Variants in CD36 observed in about 807,000 individuals in gnomAD.
The protein encoded by CD36 is platelet glycoprotein 4.
A neutral mutation model predicts 55.2 loss-of-function variants in CD36; 119 were observed. The observed-to-expected ratio is 2.15, with a 90% confidence interval of 1.86 to 2.51. The LOEUF (loss-of-function observed/expected upper bound fraction) is 2.51, where lower values mean the gene tolerates loss of function less well. Ranked by LOEUF, CD36 falls within the 30% of genes most tolerant of loss-of-function variation. The pLI, the probability that CD36 is intolerant of heterozygous loss-of-function variation, is 0.00. For synonymous variants in CD36, 186 were observed against 193.6 expected (o/e 0.96, Z 0.33); for missense variants, 819 against 555.5 (o/e 1.47, Z -4.77).
At chr7:80,667,239 G>A (rs1048340025) in intron 8 of CD36, among the ~76,000 whole-genome samples, 25 of 151,916 alleles carry the variant, frequency 1.6e-4, no homozygotes, top group Non-Finnish European at 4.4e-5. Flanking sequence ...ACCAGCCTGG[G>A]CAACATAGCA....
chr7:80,660,216 A>T (rs1178404158), intron 4 of CD36, among the ~76,000 whole-genome samples: 1 of 151,988 alleles, frequency 6.6e-6, no homozygotes, highest in Non-Finnish European at 1.5e-5. Context: ...TGTAATAATC[A>T]CCCTTCACCG....
chr7:80,636,171 C>T (rs1013193943), upstream of CD36, among the ~76,000 whole-genome samples: 4 of 151,992 alleles, frequency 2.6e-5, no homozygotes, highest in Non-Finnish European at 4.4e-5. Context: ...AAGCAGAGAA[C>T]GGAGAGGGGA....
intron 5 of CD36, chr7:80,662,641 A>G (rs1796639583): frequency 6.8e-6 from 2 of 292,514 alleles, no homozygotes; most frequent in Non-Finnish European, 1.3e-5. Context: ...ATTGTTACAT[A>G]GGTATACATG....
At chr7:80,607,818 C>A (rs1326806451) in intron 1 of CD36, among the ~76,000 whole-genome samples, 1 of 152,098 alleles carries the variant, frequency 6.6e-6, no homozygotes, top group African/African-American at 2.4e-5. Context: ...GTCGCCCAGG[C>A]TGGAGTACGG....
chr7:80,661,842 AATT>A (rs1312699537), intron 5 of CD36, among the ~76,000 whole-genome samples: 8 of 152,196 alleles, frequency 5.3e-5, no homozygotes, highest in African/African-American at 1.9e-4. Flanking sequence ...TGGAAAGTCG[AATT>A]CGGCTATTTG....
chr7:80,620,793 G>A (rs533804324), intron 1 of CD36, among the ~76,000 whole-genome samples: 2 of 152,156 alleles, frequency 1.3e-5, no homozygotes, highest in Non-Finnish European at 2.9e-5. Context: ...TGTAACTAGG[G>A]TTAAGGGAAA....
chr7:80,607,192 G>A (rs999257158), intron 1 of CD36, among the ~76,000 whole-genome samples: 1 of 151,996 alleles, frequency 6.6e-6, no homozygotes, highest in Non-Finnish European at 1.5e-5. Context: ...TCTGTACATA[G>A]TAACAGCAAG....
At chr7:80,673,560 G>C in intron 13 of CD36, 151 bp downstream of exon 13, 1 of 622,510 alleles carries the variant, frequency 1.6e-6, no homozygotes, top group East Asian at 2.7e-5. Context: ...TATTTGAGAT[G>C]ATCCAATTGA....
At chr7:80,667,759 T>TTTG (rs1424985648) in intron 8 of CD36, among the ~76,000 whole-genome samples, 5 of 141,306 alleles carry the variant, frequency 3.5e-5, no homozygotes, top group Non-Finnish European at 6.2e-5. Flanking sequence ...TTTTTTTTTT[T>TTTG]TTTTTTTTTG....
At chr7:80,637,609 G>A (rs894379095), upstream of CD36, among the ~76,000 whole-genome samples, 3 of 151,892 alleles carry the variant, frequency 2.0e-5, no homozygotes, top group South Asian at 6.2e-4. Context: ...GCAAATGAAA[G>A]GATTCGTTGT....
intron 14 of CD36, 51 bp downstream of exon 14, chr7:80,674,198 C>CTTGT (rs753151227): frequency 2.3e-5 from 29 of 1,269,622 alleles, no homozygotes; most frequent in Non-Finnish European, 3.2e-5. Flanking sequence ...TTATATATTA[C>CTTGT]TTGTTTTCAC....
In CD36 at chr7:80,646,861, G is replaced by A. The variant is rs751471043; in HGVS notation, c.120+1G>A. On this transcript the variant is annotated splice_donor_variant, in intron 3 of 14. Coordinates refer to ENST00000447544, the MANE Select transcript of CD36 (RefSeq NM_001001548.3). LOFTEE classifies it high-confidence loss of function. ...GCTTATCCAGAAGACAATTAAAAAGGTACAAGTAGTCCAAAGAATATGCCT... is the reference window on the plus strand; with the variant it reads ...GCTTATCCAGAAGACAATTAAAAAGATACAAGTAGTCCAAAGAATATGCCT... 3 of 1,613,784 alleles carry A rather than the reference G, an allele frequency of 1.9e-6. No homozygotes were observed. Among genetic ancestry groups the A allele is most frequent in the South Asian group, 2.2e-5 (2 of 91,076 alleles).
intron 14 of CD36, among the ~76,000 whole-genome samples, chr7:80,675,136 T>A (rs2116931573): frequency 6.6e-6 from 1 of 152,272 alleles, no homozygotes; most frequent in Non-Finnish European, 1.5e-5. Flanking sequence ...CTTCTACCAC[T>A]ATTTAGTCAC....
chr7:80,639,102 T>C (rs1794636995), intron 1 of CD36, among the ~76,000 whole-genome samples: 1 of 152,072 alleles, frequency 6.6e-6, no homozygotes, highest in Admixed American at 6.6e-5. Flanking sequence ...ATCATTATAC[T>C]GCAGACCAAT....
intron 13 of CD36, 99 bp from the exon 14 acceptor site, chr7:80,673,884 A>ATTAACTTG: frequency 1.2e-6 from 1 of 868,340 alleles, no homozygotes; most frequent in Non-Finnish European, 1.9e-6. Context: ...GATGACTAAC[A>ATTAACTTG]CCAATAGAGG....
chr7:80,635,700 T>C (rs148559850), upstream of CD36, among the ~76,000 whole-genome samples: 170 of 152,248 alleles, frequency 1.1e-3, 1 homozygote, highest in African/African-American at 3.9e-3. Context: ...GTAAAGTAGT[T>C]AGCAATAAGT....
Position 80,671,936 on chromosome 7 carries a change from A to C in CD36, c.1021A>C (p.Ile341Leu), listed in dbSNP as rs776752565. Reference protein sequence around the residue: ...SKCKEGRPVYISLPHFLYASP... With the variant: ...SKCKEGRPVYLSLPHFLYASP... ...CTTGTCTTCAGGGAGACCTGTGTAC[A>C]TTTCACTTCCTCATTTTCTGTATGC... is the stretch of plus-strand genomic sequence containing the variant. Residue 341 changes from isoleucine (I) to leucine (L), a missense_variant, in exon 11 of 15, where the codon ATT becomes CTT. Ile to Leu is a conservative substitution (Grantham distance 5). Transcript: ENST00000447544. 1 of 1,611,530 alleles carries C rather than the reference A, an allele frequency of 6.2e-7. No individual in the cohort carries two copies. Among genetic ancestry groups the C allele is most frequent in the South Asian group, 1.1e-5 (1 of 91,018 alleles).
intron 3 of CD36, 36 bp from the exon 4 acceptor site, chr7:80,656,504 C>T: frequency 6.2e-7 from 1 of 1,604,520 alleles, no homozygotes; most frequent in Non-Finnish European, 8.5e-7. Flanking sequence ...GTACTTACTA[C>T]AAAGACATAA....
chr7:80,673,053 A>T, intron 12 of CD36: 1 of 560,010 alleles, frequency 1.8e-6, no homozygotes, highest in South Asian at 2.5e-5. Context: ...ATTTGATAGC[A>T]TCTCTTATTT....
Sources: allele counts gnomAD v4.1 joint callset (sites outside exome capture counted in the v4.1 genomes callset), GRCh38; gene constraint gnomAD v4.1.1; transcripts MANE v1.5; gene names NCBI Gene and HGNC (gene_info 2026-07-23, HGNC 2026-07-21).